Variants in C1orf52 observed in about 807,000 individuals in gnomAD.
C1orf52 encodes the protein chromosome 1 open reading frame 52.
A neutral mutation model predicts 17.2 loss-of-function variants in C1orf52; 5 were observed. The observed-to-expected ratio is 0.29, with a 90% CI of 0.15 to 0.61. The LOEUF (loss-of-function observed/expected upper bound fraction) is 0.61. C1orf52 is among the 20% of genes least tolerant of loss of function. The pLI is 0.85. For synonymous variants in C1orf52, 110 were observed against 88.0 expected (o/e 1.25, Z -1.40); for missense variants, 245 against 234.1 (o/e 1.05, Z -0.30).
rs1288590996 is a variant in C1orf52, at chr1:85,252,131, C to A, written c.*498G>T. The A allele has an allele frequency of 6.5e-6, 1 of 152,682 alleles. No homozygotes were observed. Among genetic ancestry groups the A allele is most frequent in the African/African-American group, 2.4e-5 (1 of 41,430 alleles). 9.5% of individuals were successfully genotyped at this position (152,682 alleles called of 1,614,324 possible). On this transcript the variant is annotated 3_prime_UTR_variant, in exon 3 of 3. Coordinates refer to ENST00000471115, the MANE Select transcript of C1orf52 (RefSeq NM_198077.4). Reference sequence around the variant, plus strand: ...TACTTCTTATTACAACTTAAAATGTCACACGACAAATAGGGTACTTGTCAC... The same window carrying A: ...TACTTCTTATTACAACTTAAAATGTAACACGACAAATAGGGTACTTGTCAC...
At chr1:85,255,664 C>G (rs1300590975) in intron 2 of C1orf52, among the ~76,000 whole-genome samples, 2 of 151,932 alleles carry the variant, frequency 1.3e-5, no homozygotes. Flanking sequence ...CAATAAAAGG[C>G]CAAAGGGCAG....
intron 2 of C1orf52, among the ~76,000 whole-genome samples, chr1:85,255,614 C>A (rs1253641672): frequency 1.3e-5 from 2 of 151,782 alleles, no homozygotes; most frequent in African/African-American, 4.8e-5. Flanking sequence ...CTGAACCTTT[C>A]CCAGCCCTTC....
chr1:85,256,752 T>G (rs184669358), intron 2 of C1orf52, among the ~76,000 whole-genome samples: 1 of 131,410 alleles, frequency 7.6e-6, no homozygotes, highest in African/African-American at 3.0e-5. Flanking sequence ...TGAGCCGAGA[T>G]GGCGCCACTG....
Position 85,258,730 on chromosome 1 carries a change from G to T in C1orf52, c.277-8C>A, listed in dbSNP as rs1354065554. The T allele has an allele frequency of 1.9e-6, 3 of 1,598,106 alleles. No individual in the cohort carries two copies. The highest frequency in any genetic ancestry group is 1.7e-6 in the Non-Finnish European group (2 of 1,175,540). ...TTTGAATTCCTTTGGAGGCTGTTAAGCAAGCACATTAAGAAGCACTGTGAC... is the reference window on the plus strand; with the variant it reads ...TTTGAATTCCTTTGGAGGCTGTTAATCAAGCACATTAAGAAGCACTGTGAC... On this transcript the variant is annotated splice_region_variant and splice_polypyrimidine_tract_variant and intron_variant, in intron 1 of 2. Transcript: ENST00000471115.
At position 85,252,445 on chromosome 1, in the gene C1orf52, AATAC is replaced by A. The variant is rs58178990; in HGVS notation, c.*180_*183del. On this transcript the variant is annotated 3_prime_UTR_variant, in exon 3 of 3. Transcript: ENST00000471115. ...ATCACAAGTCACCAGTTGAGTTTTA[AATAC>A]ATACATGTTTTAAATAAAAAAAGAA... 663 of 532,650 alleles carry A rather than the reference AATAC, an allele frequency of 1.2e-3. 3 individuals are homozygous for A. Among genetic ancestry groups the A allele is most frequent in the African/African-American group, 0.012 (605 of 50,742 alleles). The allele number at this position is 532,650 out of a possible 1,614,324, so 33.0% of individuals were successfully genotyped here.
At chr1:85,256,814 A>AAAAAAAAAAAAAAAAAAAAAG (rs1553178011) in intron 2 of C1orf52, among the ~76,000 whole-genome samples, 1 of 108,178 alleles carries the variant, frequency 9.2e-6, no homozygotes, top group Non-Finnish European at 1.8e-5. Flanking sequence ...AAAAAAAAAA[A>AAAAAAAAAAAAAAAAAAAAAG]AAAAGAAAAG....
intron 2 of C1orf52, among the ~76,000 whole-genome samples, chr1:85,253,788 G>A (rs1007758054): frequency 2.6e-5 from 4 of 151,980 alleles, no homozygotes; most frequent in Non-Finnish European, 5.9e-5. Flanking sequence ...AAAAATACAG[G>A]GTAGCACAGA....
chr1:85,256,574 C>T (rs757808561), intron 2 of C1orf52, among the ~76,000 whole-genome samples: 19 of 152,062 alleles, frequency 1.2e-4, no homozygotes, highest in Non-Finnish European at 2.4e-4. Flanking sequence ...CCAAGGCGGG[C>T]AGATCACGAG....
intron 2 of C1orf52, 93 bp from the exon 3 acceptor site, chr1:85,252,795 T>C (rs1008323683): frequency 2.7e-6 from 2 of 737,228 alleles, no homozygotes; most frequent in Non-Finnish European, 4.5e-6. Context: ...CCAAAATTAT[T>C]ACCCTCATCA....
Position 85,258,602 on chromosome 1 carries a change from C to T in C1orf52, c.397G>A (p.Glu133Lys). 1.2e-6 allele frequency: 2 copies of T among 1,614,186 alleles called. No individual in the cohort carries two copies. The highest frequency in any genetic ancestry group is 1.7e-6 in the Non-Finnish European group (2 of 1,180,034). ...TGTGGAGCATCATCACCATTGTCCTCATATATGTTAGACCATTTTATTGCC... is the reference window on the plus strand; with the variant it reads ...TGTGGAGCATCATCACCATTGTCCTTATATATGTTAGACCATTTTATTGCC... ...DMAIKWSNIY[E>K]DNGDDAPQNA... The change falls in exon 2 of 3, where the codon GAG becomes AAG. Residue 133 changes from glutamate (E) to lysine (K), a missense_variant. Physicochemically the swap from Glu to Lys is moderately conservative, Grantham distance 56 (BLOSUM62 1). Coordinates refer to ENST00000471115, the MANE Select transcript of C1orf52 (RefSeq NM_198077.4).
Position 85,258,591 on chromosome 1 carries a change from ACC to A in C1orf52, c.406_407del (p.Gly136Ter). ...TCTTAGCATTCTGTGGAGCATCATCACCATTGTCCTCATATATGTTAGACCAT... is the reference window on the plus strand; with the variant it reads ...TCTTAGCATTCTGTGGAGCATCATCAATTGTCCTCATATATGTTAGACCAT... ...IKWSNIYEDN[G>X]DDAPQNAKKA... On this transcript the variant is annotated frameshift_variant, in exon 2 of 3. Coordinates refer to ENST00000471115, the MANE Select transcript of C1orf52 (RefSeq NM_198077.4). LOFTEE classifies it high-confidence loss of function. The A allele has an allele frequency of 1.2e-6, 2 of 1,614,030 alleles. No individual in the cohort carries two copies. Among genetic ancestry groups the A allele is most frequent in the Admixed American group, 3.3e-5 (2 of 60,000 alleles).
intron 2 of C1orf52, chr1:85,257,483 C>T (rs1659971504): frequency 1.4e-6 from 1 of 717,072 alleles, no homozygotes. Flanking sequence ...TAGAAAGGGG[C>T]CATTAAAAAT....
intron 2 of C1orf52, among the ~76,000 whole-genome samples, chr1:85,256,798 CA>C (rs1159075154): frequency 1.8e-4 from 17 of 93,734 alleles, no homozygotes; most frequent in East Asian, 6.3e-4. Context: ...GACTCCGCCT[CA>C]AAAAAAAAAA....
Position 85,256,733 on chromosome 1 carries a change from A to G in C1orf52, c.475+1791T>C, listed in dbSNP as rs111755872. ...AGAATGGCGTGAACCCGGGAGGCGG[A>G]GCTTGCAGTGAGCCGAGATGGCGCC... is the stretch of plus-strand genomic sequence containing the variant. On this transcript the variant is annotated intron_variant, in intron 2 of 2. Coordinates refer to ENST00000471115, the MANE Select transcript of C1orf52 (RefSeq NM_198077.4). 1.2e-3 allele frequency among the ~76,000 whole-genome samples: 175 copies of G among 141,626 alleles called. 1 individual carries two copies. The highest frequency in any genetic ancestry group is 2.1e-3 in the Non-Finnish European group (141 of 66,536). The allele number at this position is 141,626 out of a possible 152,430, so 92.9% of individuals were successfully genotyped here. A position where few individuals can be genotyped will look rare whatever the true frequency, so the allele number is the denominator to read the frequency against.
rs1015832142 is a variant in C1orf52 at position 85,250,749 on chromosome 1, G to T, written c.*1880C>A. ...CACCAACACATGCATCCAAATTTTA[G>T]ATTTCTCCAGAGCTTGGGAATCACA... On this transcript the variant is annotated 3_prime_UTR_variant, in exon 3 of 3. Transcript: ENST00000471115. The T allele has an allele frequency of 6.6e-6, 1 of 152,178 alleles. No homozygotes were observed. The highest frequency in any genetic ancestry group is 2.4e-5 in the African/African-American group (1 of 41,444). The allele number at this position is 152,178 out of a possible 1,614,324, so 9.4% of individuals were successfully genotyped here. A position where few individuals can be genotyped will look rare whatever the true frequency, so the allele number is the denominator to read the frequency against.
chr1:85,259,243 A>G (rs1029652131), intron 1 of C1orf52, 115 bp downstream of exon 1: 1 of 1,272,812 alleles, frequency 7.9e-7, no homozygotes, highest in Non-Finnish European at 1.1e-6. Flanking sequence ...GTGGTGCGGC[A>G]TCCCGCGGGG....
chr1:85,254,531 A>G (rs895201359), intron 2 of C1orf52, among the ~76,000 whole-genome samples: 1 of 152,010 alleles, frequency 6.6e-6, no homozygotes, highest in Non-Finnish European at 1.5e-5. Flanking sequence ...AGCTGGGACT[A>G]CAGGTGCCTG....
At chr1:85,256,184 A>G (rs1401267286) in intron 2 of C1orf52, among the ~76,000 whole-genome samples, 1 of 152,208 alleles carries the variant, frequency 6.6e-6, no homozygotes, top group African/African-American at 2.4e-5. Context: ...TTAATAAGGC[A>G]TAATTTCTAT....
intron 1 of C1orf52, chr1:85,259,000 ACT>A: frequency 7.5e-7 from 1 of 1,336,398 alleles, no homozygotes; most frequent in Non-Finnish European, 9.6e-7. Context: ...TGCAGCAGAC[ACT>A]GTCTTGGAGG....
Sources: allele counts gnomAD v4.1 joint callset (sites outside exome capture counted in the v4.1 genomes callset), GRCh38; gene constraint gnomAD v4.1.1; transcripts MANE v1.5; gene names NCBI Gene and HGNC (gene_info 2026-07-23, HGNC 2026-07-21).